NRXN1: variants seen among roughly 807,000 people sequenced by gnomAD.
NRXN1 encodes the protein neurexin 1.
A neutral mutation model predicts 150.9 loss-of-function variants in NRXN1; 39 were observed. The ratio of observed to expected loss-of-function variants is 0.26; its 90% CI spans 0.20 to 0.34. The LOEUF (loss-of-function observed/expected upper bound fraction) is 0.34, where lower values mean the gene tolerates loss of function less well. Among genes scored for constraint, NRXN1 ranks in the 10% least tolerant of loss-of-function variants. The pLI is 1.00. For synonymous variants in NRXN1, 924 were observed against 757.0 expected (o/e 1.22, Z -3.62); for missense variants, 1,815 against 1,949.9 (o/e 0.93, Z 1.30).
At chr2:50,313,143 G>C (rs2075315815) in intron 17 of NRXN1, among the ~76,000 whole-genome samples, 1 of 152,038 alleles carries the variant, frequency 6.6e-6, no homozygotes, top group Non-Finnish European at 1.5e-5. Flanking sequence ...ACTTTGAATA[G>C]AGCTCCAAAA....
chr2:50,123,268 T>A (rs1221688643), intron 18 of NRXN1, among the ~76,000 whole-genome samples: 3 of 151,652 alleles, frequency 2.0e-5, no homozygotes, highest in Non-Finnish European at 4.4e-5. Flanking sequence ...ACTGAAAGAG[T>A]GGACAGAGAA....
chr2:50,031,966 G>T (rs1689245543), intron 21 of NRXN1, among the ~76,000 whole-genome samples: 1 of 152,080 alleles, frequency 6.6e-6, no homozygotes, highest in South Asian at 2.1e-4. Context: ...AGACATGATT[G>T]CTCCCTACCC....
At chr2:50,399,304 C>A (rs983211411) in intron 17 of NRXN1, among the ~76,000 whole-genome samples, 12 of 152,016 alleles carry the variant, frequency 7.9e-5, no homozygotes, top group African/African-American at 2.9e-4. Flanking sequence ...GGGTTACTTG[C>A]ATTATTTTTT....
At chr2:50,667,312 G>C (rs1298978893) in intron 5 of NRXN1, among the ~76,000 whole-genome samples, 1 of 151,790 alleles carries the variant, frequency 6.6e-6, no homozygotes, top group African/African-American at 2.4e-5. Flanking sequence ...AAATAATAGA[G>C]GGCTTCTTCT....
chr2:51,015,547 C>CA (rs1417137926), intron 2 of NRXN1, among the ~76,000 whole-genome samples: 2 of 151,984 alleles, frequency 1.3e-5, no homozygotes, highest in Admixed American at 6.6e-5. Context: ...AGGAGAGGAG[C>CA]ACCATTCCCA....
intron 5 of NRXN1, among the ~76,000 whole-genome samples, chr2:50,860,358 TTC>T (rs1388802210): frequency 6.6e-6 from 1 of 152,272 alleles, no homozygotes; most frequent in East Asian, 1.9e-4. Context: ...CGTATTTTTA[TTC>T]TGTTTATAGA....
intron 9 of NRXN1, among the ~76,000 whole-genome samples, chr2:50,548,753 T>C (rs1346789193): frequency 6.6e-6 from 1 of 150,780 alleles, no homozygotes; most frequent in Admixed American, 6.6e-5. Context: ...ATCATTTGTG[T>C]CCACCAAATA....
chr2:50,253,278 C>T (rs1454586109), intron 17 of NRXN1, among the ~76,000 whole-genome samples: 1 of 152,080 alleles, frequency 6.6e-6, no homozygotes, highest in Non-Finnish European at 1.5e-5. Flanking sequence ...TGAGACTTTG[C>T]TGAAGTTGTT....
intron 17 of NRXN1, among the ~76,000 whole-genome samples, chr2:50,302,107 A>G (rs1574999255): frequency 3.1e-5 from 1 of 32,380 alleles, no homozygotes; most frequent in South Asian, 8.1e-4. Flanking sequence ...GATATGTAGG[A>G]AAAAAAATGA....
intron 5 of NRXN1, among the ~76,000 whole-genome samples, chr2:50,867,617 TA>T: frequency 6.6e-6 from 1 of 151,928 alleles, no homozygotes; most frequent in African/African-American, 2.4e-5. Context: ...ATGATTACTT[TA>T]ATGACAATTA....
chr2:50,726,140 T>C (rs1403030881), intron 5 of NRXN1, among the ~76,000 whole-genome samples: 1 of 152,196 alleles, frequency 6.6e-6, no homozygotes, highest in East Asian at 1.9e-4. Context: ...ACTGTGTCAC[T>C]GCTTGTATAC....
chr2:49,986,416 T>C (rs1029346833), intron 21 of NRXN1, among the ~76,000 whole-genome samples: 1 of 152,178 alleles, frequency 6.6e-6, no homozygotes, highest in Non-Finnish European at 1.5e-5. Flanking sequence ...TTCAAAAACA[T>C]ACATTTTAAA....
intron 21 of NRXN1, among the ~76,000 whole-genome samples, chr2:49,990,325 T>C (rs905614800): frequency 1.3e-5 from 2 of 152,072 alleles, no homozygotes; most frequent in Non-Finnish European, 2.9e-5. Flanking sequence ...AAGAATGATC[T>C]AAGAGCACAG....
intron 18 of NRXN1, among the ~76,000 whole-genome samples, chr2:50,128,674 A>C (rs974111342): frequency 1.2e-4 from 19 of 152,120 alleles, no homozygotes; most frequent in African/African-American, 4.3e-4. Flanking sequence ...CTTAATAAGC[A>C]GGATGTTAAA....
rs377143293 is a variant in NRXN1, at chr2:50,540,206, C to T, written c.1760-1570G>A. Among the ~76,000 whole-genome samples, 542 of 152,248 alleles carry T rather than the reference C, an allele frequency of 3.6e-3. 3 individuals carry two copies. The highest frequency in any genetic ancestry group is 0.012 in the African/African-American group (513 of 41,534). On this transcript the variant is annotated intron_variant, in intron 9 of 22. Transcript: ENST00000401669. ...CACTCAAAGGCATTGCTATTTTGGC[C>T]TTCCAATGAGGGGAGCAAAATAGAG...
chr2:50,780,927 G>A (rs1704274239), intron 5 of NRXN1, among the ~76,000 whole-genome samples: 1 of 152,076 alleles, frequency 6.6e-6, no homozygotes, highest in Non-Finnish European at 1.5e-5. Flanking sequence ...CTTAGGTTTA[G>A]GTGTTTATCC....
intron 8 of NRXN1, among the ~76,000 whole-genome samples, chr2:50,562,002 C>T (rs769824997): frequency 2.6e-4 from 40 of 152,204 alleles, no homozygotes; most frequent in Non-Finnish European, 1.3e-4. Context: ...TCTGCTTTAT[C>T]CAAAAAACTT....
intron 5 of NRXN1, among the ~76,000 whole-genome samples, chr2:50,771,808 G>A (rs1703046246): frequency 6.6e-6 from 1 of 152,044 alleles, no homozygotes; most frequent in Non-Finnish European, 1.5e-5. Flanking sequence ...CATTCATTTG[G>A]TAAGTGTTTT....
chr2:50,447,141 A>C (rs1002661637), intron 17 of NRXN1, among the ~76,000 whole-genome samples: 2 of 152,230 alleles, frequency 1.3e-5, no homozygotes, highest in South Asian at 4.1e-4. Context: ...CAAACTAAAT[A>C]TAAATTTTGA....
Sources: allele counts gnomAD v4.1 joint callset (sites outside exome capture counted in the v4.1 genomes callset), GRCh38; gene constraint gnomAD v4.1.1; transcripts MANE v1.5; gene names NCBI Gene and HGNC (gene_info 2026-07-23, HGNC 2026-07-21).